Variants in CCNT2 observed in about 807,000 individuals in gnomAD.
CCNT2 encodes cyclin-T2.
In CCNT2, 18 loss-of-function variants were observed where a neutral mutation model predicts 70.0. The ratio of observed to expected loss-of-function variants is 0.26; its 90% CI spans 0.18 to 0.38. CCNT2 has a LOEUF of 0.38. Ranked by LOEUF, CCNT2 falls within the 10% of genes least tolerant of loss-of-function variation. The pLI, the probability that CCNT2 is intolerant of heterozygous loss-of-function variation, is 1.00. For synonymous variants in CCNT2, 334 were observed against 313.3 expected (o/e 1.07, Z -0.70); for missense variants, 734 against 890.2 (o/e 0.82, Z 2.23).
intron 7 of CCNT2, among the ~76,000 whole-genome samples, chr2:134,950,367 G>A (rs1286161531): frequency 4.6e-5 from 7 of 152,118 alleles, no homozygotes; most frequent in Admixed American, 4.6e-4. Context: ...TCACAAAAAG[G>A]CAATTCAAAA....
rs758402697 is a variant in CCNT2, at chr2:134,947,826, G to A, written c.630G>A (p.Glu210=). The A allele has an allele frequency of 9.0e-6, 14 of 1,560,858 alleles. No homozygotes were observed. Among genetic ancestry groups the A allele is most frequent in the Admixed American group, 1.7e-5 (1 of 59,306 alleles). The part of the protein sequence containing the change: ...IHLACKWSNW[E]IPVSTDGKHW... Reference sequence around the variant, plus strand: ...TGGCTTGCAAATGGTCCAATTGGGAGATCCCTGTATCAACTGATGGAAAGC... The same window carrying A: ...TGGCTTGCAAATGGTCCAATTGGGAAATCCCTGTATCAACTGATGGAAAGC... The change falls in exon 7 of 9, where the codon GAG becomes GAA. Residue 210 remains glutamate, a synonymous_variant. Transcript: ENST00000264157.
At position 134,953,701 on chromosome 2, in the gene CCNT2, AG is replaced by A. The variant is rs1559116495; in HGVS notation, c.1247del (p.Ser416ThrfsTer14). 6.2e-7 allele frequency: 1 copy of A among 1,613,810 alleles called. No homozygotes were observed. The highest frequency in any genetic ancestry group is 8.5e-7 in the Non-Finnish European group (1 of 1,179,784). ...VKQEYTHKAG[S>X]SKHHGPISTT... ...GCAAGAATATACTCATAAAGCAGGGAGCAGTAAACACCATGGGCCAATTTCC... is the reference window on the plus strand; with the variant it reads ...GCAAGAATATACTCATAAAGCAGGGACAGTAAACACCATGGGCCAATTTCC... On this transcript the variant is annotated frameshift_variant, in exon 9 of 9. Coordinates refer to ENST00000264157, the MANE Select transcript of CCNT2 (RefSeq NM_058241.3). LOFTEE classifies it high-confidence loss of function.
At chr2:134,950,428 CA>C (rs1573859604) in intron 7 of CCNT2, among the ~76,000 whole-genome samples, 1 of 152,084 alleles carries the variant, frequency 6.6e-6, no homozygotes, top group African/African-American at 2.4e-5. Context: ...ATCTTGAGCA[CA>C]GGAGTTTGAG....
intron 4 of CCNT2, among the ~76,000 whole-genome samples, chr2:134,941,726 AGTT>A (rs770079154): frequency 4.6e-5 from 7 of 152,238 alleles, no homozygotes; most frequent in Non-Finnish European, 7.3e-5. Context: ...TAAAATATTT[AGTT>A]GTTATATAAA....
intron 7 of CCNT2, 85 bp from the exon 8 acceptor site, chr2:134,952,556 G>A (rs1682600257): frequency 2.8e-6 from 2 of 715,502 alleles, no homozygotes; most frequent in East Asian, 5.4e-5. Context: ...TGAACTCCTA[G>A]CATTCCTTTT....
intron 5 of CCNT2, chr2:134,944,458 A>G (rs1681802988): frequency 1.0e-6 from 1 of 965,636 alleles, no homozygotes; most frequent in South Asian, 4.8e-5. Flanking sequence ...TCTTTATCAG[A>G]GATTAATATT....
chr2:134,940,714 AAG>A (rs1174066487), intron 4 of CCNT2, among the ~76,000 whole-genome samples: 2 of 152,164 alleles, frequency 1.3e-5, no homozygotes, highest in African/African-American at 2.4e-5. Flanking sequence ...ATTGCGGTAA[AAG>A]AGGTTCTGGC....
intron 2 of CCNT2, among the ~76,000 whole-genome samples, chr2:134,926,458 T>G (rs1314398778): frequency 8.5e-5 from 13 of 152,204 alleles, no homozygotes; most frequent in Non-Finnish European, 2.9e-5. Flanking sequence ...TGGTTTCTCT[T>G]CAAACTGGAG....
intron 7 of CCNT2, among the ~76,000 whole-genome samples, chr2:134,951,849 A>G (rs1447143732): frequency 6.6e-6 from 1 of 152,168 alleles, no homozygotes. Flanking sequence ...TCAGTATTCC[A>G]TATTTTTCCC....
rs371768250 is a variant in CCNT2 at position 134,919,788 on chromosome 2, T to C, written c.159-22T>C. 19 of 1,575,892 alleles carry C rather than the reference T, an allele frequency of 1.2e-5. No individual in the cohort carries two copies. In the African/African-American group the frequency reaches 2.0e-4, roughly 17 times the overall value. ...AATGAGATCTTGCTTTTGTCAGATA[T>C]TTCCTAAATATTACGTTCCAGCTCT... On this transcript the variant is annotated intron_variant, in intron 1 of 8. Transcript: ENST00000264157.
chr2:134,929,613 C>CAGAGAGAGAGAGAGAGAGAG (rs140163816), intron 2 of CCNT2, among the ~76,000 whole-genome samples: 4,226 of 117,464 alleles, frequency 0.036, 202 homozygotes, highest in Middle Eastern at 0.12. Context: ...GTCTCAAAAA[C>CAGAGAGAGAGAGAGAGAGAG]AGAGAGAGAG....
In CCNT2 at chr2:134,942,684, C is replaced by A; in HGVS notation, c.493+10C>A. 1 of 1,601,106 alleles carries A rather than the reference C, an allele frequency of 6.2e-7. No homozygotes were observed. On this transcript the variant is annotated intron_variant, in intron 5 of 8. Coordinates refer to ENST00000264157, the MANE Select transcript of CCNT2 (RefSeq NM_058241.3). Reference sequence around the variant, plus strand: ...ACCCAGTTAGTAAGAGGTAGGTGATCCTTGAAACTTTTAAGATAAGTATTA... The same window carrying A: ...ACCCAGTTAGTAAGAGGTAGGTGATACTTGAAACTTTTAAGATAAGTATTA...
chr2:134,919,594 G>A (rs1467680498), intron 1 of CCNT2, among the ~76,000 whole-genome samples: 2 of 152,126 alleles, frequency 1.3e-5, no homozygotes, highest in Non-Finnish European at 2.9e-5. Flanking sequence ...CGCTGTTAGA[G>A]TGAAAAGATC....
At chr2:134,944,528 A>G in intron 5 of CCNT2, 1 of 968,624 alleles carries the variant, frequency 1.0e-6, no homozygotes, top group Non-Finnish European at 1.2e-6. Context: ...TTTACTTGAA[A>G]AATGAAATAG....
rs1218367053 is a variant in CCNT2 at position 134,956,653 on chromosome 2, A to T, written c.*2005A>T. Reference sequence around the variant, plus strand: ...CTACATAAGGTGGTTGTGCTACTGTATAATTGGGGGTGATAATACCAGGAA... The same window carrying T: ...CTACATAAGGTGGTTGTGCTACTGTTTAATTGGGGGTGATAATACCAGGAA... On this transcript the variant is annotated 3_prime_UTR_variant, in exon 9 of 9. Transcript: ENST00000264157. 3.3e-5 allele frequency: 5 copies of T among 152,522 alleles called. No individual in the cohort carries two copies. Among genetic ancestry groups the T allele is most frequent in the African/African-American group, 1.2e-4 (5 of 41,450 alleles). The allele number at this position is 152,522 out of a possible 1,614,324, so 9.4% of individuals were successfully genotyped here.
At chr2:134,921,595 C>T (rs1306986254) in intron 2 of CCNT2, among the ~76,000 whole-genome samples, 1 of 152,218 alleles carries the variant, frequency 6.6e-6, no homozygotes, top group Non-Finnish European at 1.5e-5. Context: ...CTCAGGTGAT[C>T]CGTCCGCCTC....
intron 7 of CCNT2, 138 bp from the exon 8 acceptor site, chr2:134,952,503 T>C: frequency 2.0e-6 from 1 of 499,678 alleles, no homozygotes; most frequent in Admixed American, 4.0e-5. Flanking sequence ...TGTGTACTTC[T>C]GTGTATGCTG....
intron 5 of CCNT2, chr2:134,945,590 CT>C (rs1430234141): frequency 1.0e-6 from 1 of 985,190 alleles, no homozygotes; most frequent in African/African-American, 1.7e-5. Context: ...TCTGTTGATG[CT>C]TAATAGCATG....
rs115127157 is a variant in CCNT2 at position 134,940,975 on chromosome 2, G to A, written c.431-1637G>A. Among the ~76,000 whole-genome samples the A allele has an allele frequency of 2.2e-3, 340 of 152,278 alleles. 1 individual carries two copies. Among genetic ancestry groups the A allele is most frequent in the African/African-American group, 7.7e-3 (320 of 41,570 alleles). Reference sequence around the variant, plus strand: ...AGAAAAAGACATTTGTGAAGTCATCGCTGCAGCTATACCAGCAGGCACAAA... The same window carrying A: ...AGAAAAAGACATTTGTGAAGTCATCACTGCAGCTATACCAGCAGGCACAAA... On this transcript the variant is annotated intron_variant, in intron 4 of 8. Coordinates refer to ENST00000264157, the MANE Select transcript of CCNT2 (RefSeq NM_058241.3).
Sources: gnomAD v4.1 joint callset for allele counts (sites outside exome capture counted in the v4.1 genomes callset) on GRCh38, gnomAD v4.1.1 for gene constraint, MANE v1.5 for transcripts, NCBI Gene and HGNC (gene_info 2026-07-23, HGNC 2026-07-21) for gene names.